Variants in RICTOR observed in about 807,000 individuals in gnomAD.
The protein encoded by RICTOR is RPTOR independent companion of MTOR complex 2, also known as rapamycin-insensitive companion of mTOR.
Under a neutral mutation model 214.9 loss-of-function variants are expected in RICTOR, and 49 were observed. The ratio of observed to expected loss-of-function variants is 0.23; its 90% CI spans 0.18 to 0.29. The LOEUF (loss-of-function observed/expected upper bound fraction) is 0.29, where lower values mean the gene tolerates loss of function less well. Among genes scored for constraint, RICTOR ranks in the 10% least tolerant of loss-of-function variants. The pLI is 1.00. For synonymous variants in RICTOR, 717 were observed against 711.3 expected, an observed-to-expected ratio of 1.01 and a Z score of -0.13; for missense variants, 1,625 against 2,047.0, an observed-to-expected ratio of 0.79 and a Z score of 3.98.
At chr5:38,948,081 TA>T (rs1217016507) in intron 31 of RICTOR, among the ~76,000 whole-genome samples, 29 of 152,260 alleles carry the variant, frequency 1.9e-4, no homozygotes, top group Admixed American at 1.9e-3. Flanking sequence ...GATACACTGA[TA>T]TTTCCATAAG....
At chr5:39,021,362 A>C (rs531222796) in intron 2 of RICTOR, among the ~76,000 whole-genome samples, 1 of 152,230 alleles carries the variant, frequency 6.6e-6, no homozygotes, top group African/African-American at 2.4e-5. Flanking sequence ...CATTGCCTGG[A>C]ATTACTCAAC....
chr5:39,028,343 C>T (rs997878252), intron 2 of RICTOR, among the ~76,000 whole-genome samples: 5 of 151,684 alleles, frequency 3.3e-5, no homozygotes, highest in South Asian at 2.1e-4. Flanking sequence ...CCACTACGCC[C>T]GGCTAATTTT....
intron 10 of RICTOR, among the ~76,000 whole-genome samples, chr5:38,974,935 A>C (rs1015958007): frequency 3.9e-5 from 6 of 152,232 alleles, no homozygotes; most frequent in Admixed American, 6.5e-5. Context: ...ATACTAAATC[A>C]AGAAGGAAGA....
intron 7 of RICTOR, among the ~76,000 whole-genome samples, chr5:38,990,746 A>ATATATATCATATATAT (rs1164554083): frequency 0.019 from 2,128 of 112,806 alleles, 121 homozygotes; most frequent in Non-Finnish European, 0.03. Context: ...GATATATATG[A>ATATATATCATATATAT]GATATATGAT....
rs1747588458 is a variant in RICTOR, at chr5:38,941,683, A to C, written c.*621T>G. ...AAAACAAGAATCTTTATGCAAGTCT[A>C]GTAACATAAAAATAACTTATAAGTC... is the stretch of plus-strand genomic sequence containing the variant. On this transcript the variant is annotated 3_prime_UTR_variant, in exon 38 of 38. Coordinates refer to ENST00000357387, the MANE Select transcript of RICTOR (RefSeq NM_152756.5). The C allele has an allele frequency of 4.3e-6, 1 of 232,426 alleles. No individual in the cohort carries two copies. Among genetic ancestry groups the C allele is most frequent in the East Asian group, 6.1e-5 (1 of 16,302 alleles). 14.4% of individuals were successfully genotyped at this position (232,426 alleles called of 1,614,324 possible).
intron 3 of RICTOR, among the ~76,000 whole-genome samples, chr5:39,017,067 T>C (rs571462622): frequency 1.3e-5 from 2 of 152,232 alleles, no homozygotes; most frequent in South Asian, 4.1e-4. Context: ...TACGCAACAC[T>C]ATTCTAGATT....
At chr5:39,060,541 C>T (rs13171123) in intron 2 of RICTOR, among the ~76,000 whole-genome samples, 51,212 of 151,576 alleles carry the variant, frequency 0.34, 9,607 homozygotes, top group East Asian at 0.42. Context: ...TTGTCTTCAC[C>T]CCACCCCAAC....
At chr5:38,950,806 T>A in intron 30 of RICTOR, 86 bp from the exon 31 acceptor site, 1 of 1,223,300 alleles carries the variant, frequency 8.2e-7, no homozygotes. Flanking sequence ...TCAGGAAATT[T>A]TTTTTTAGTC....
chr5:39,003,503 A>C, intron 4 of RICTOR, 55 bp downstream of exon 4: 1 of 1,159,614 alleles, frequency 8.6e-7, no homozygotes, highest in Non-Finnish European at 1.3e-6. Flanking sequence ...AAATTACTAA[A>C]ATTAAAATTA....
chr5:39,044,007 A>T (rs534112260), intron 2 of RICTOR, among the ~76,000 whole-genome samples: 1 of 152,302 alleles, frequency 6.6e-6, no homozygotes, highest in South Asian at 2.1e-4. Context: ...TTCTTTTATA[A>T]GCGACAGAAA....
rs571804635 is a variant in RICTOR at position 39,033,313 on chromosome 5, G to A, written c.98-12177C>T. Among the ~76,000 whole-genome samples the A allele has an allele frequency of 7.9e-5, 12 of 151,918 alleles. No individual in the cohort carries two copies. In the South Asian group the frequency reaches 2.1e-3, roughly 26 times the overall value. ...CTCTGTTGCCCAGGCTGGAGCGCTG[G>A]AGTGCAATGGTGGGATCTCAGCTCA... On this transcript the variant is annotated intron_variant, in intron 2 of 37. Transcript: ENST00000357387.
intron 2 of RICTOR, among the ~76,000 whole-genome samples, chr5:39,058,609 C>G (rs1236496296): frequency 1.3e-5 from 2 of 152,088 alleles, no homozygotes; most frequent in African/African-American, 4.8e-5. Context: ...AGAAGGATCT[C>G]TATTTTGTAT....
intron 30 of RICTOR, 29 bp from the exon 31 acceptor site, chr5:38,950,749 C>A: frequency 1.3e-6 from 2 of 1,519,632 alleles, no homozygotes. Context: ...TTAATAAAAA[C>A]ACATATAAAA....
chr5:39,029,233 T>G (rs1206929422), intron 2 of RICTOR, among the ~76,000 whole-genome samples: 3 of 152,102 alleles, frequency 2.0e-5, no homozygotes, highest in Non-Finnish European at 4.4e-5. Flanking sequence ...TAATTACAGC[T>G]CAACAAAGAT....
rs568590667 is a variant in RICTOR, at chr5:39,058,008, C to A, written c.97+16103G>T. Among the ~76,000 whole-genome samples, 23 of 152,038 alleles carry A rather than the reference C, an allele frequency of 1.5e-4. No homozygotes were observed. In the South Asian group the frequency reaches 4.6e-3, roughly 30 times the overall value. ...GCATACTGAAATAAGTAAAAATTTT[C>A]TTTATTTTAAAAGTGTATGCTAAAA... On this transcript the variant is annotated intron_variant, in intron 2 of 37. Transcript: ENST00000357387.
rs1433002338 is a variant in RICTOR, at chr5:38,940,505, A to G, written c.*1799T>C. On this transcript the variant is annotated 3_prime_UTR_variant, in exon 38 of 38. Transcript: ENST00000357387. ...CACGATGACAGGCAACGTTCTTAGA[A>G]GTACTGTTGACATTTAAATAAACAC... is the stretch of plus-strand genomic sequence containing the variant. 1 of 232,726 alleles carries G rather than the reference A, an allele frequency of 4.3e-6. No individual in the cohort carries two copies. The highest frequency in any genetic ancestry group is 2.2e-5 in the African/African-American group (1 of 45,326). The allele number at this position is 232,726 out of a possible 1,614,324, so 14.4% of individuals were successfully genotyped here.
intron 3 of RICTOR, among the ~76,000 whole-genome samples, chr5:39,017,926 A>G (rs1480002014): frequency 2.0e-5 from 3 of 152,132 alleles, no homozygotes; most frequent in Non-Finnish European, 4.4e-5. Flanking sequence ...AAAATAGTGC[A>G]TTTTCAAACA....
chr5:39,011,952 T>G (rs562567664), intron 3 of RICTOR, among the ~76,000 whole-genome samples: 2 of 152,246 alleles, frequency 1.3e-5, no homozygotes, highest in African/African-American at 4.8e-5. Flanking sequence ...GGGGGACTGT[T>G]GAAAGGGCAC....
chr5:38,952,611 C>A (rs1441527867), intron 29 of RICTOR, among the ~76,000 whole-genome samples, 186 bp from the exon 30 acceptor site: 1 of 151,208 alleles, frequency 6.6e-6, no homozygotes, highest in African/African-American at 2.4e-5. Flanking sequence ...AAAAAACAAG[C>A]AAACCTTCCC....
Sources: gnomAD v4.1 joint callset for allele counts (sites outside exome capture counted in the v4.1 genomes callset) on GRCh38, gnomAD v4.1.1 for gene constraint, MANE v1.5 for transcripts, NCBI Gene and HGNC (gene_info 2026-07-23, HGNC 2026-07-21) for gene names.